BRCA2: variants seen among roughly 807,000 people sequenced by gnomAD.
BRCA2 encodes the protein BRCA2 DNA repair associated.
Under a neutral mutation model 276.7 loss-of-function variants are expected in BRCA2, and 203 were observed. That is an observed-to-expected ratio of 0.73 (90% CI 0.65 to 0.82). BRCA2 has a LOEUF of 0.82. Ranked by LOEUF, BRCA2 falls within the 40% of genes least tolerant of loss-of-function variation. BRCA2 has a pLI of 0.00. For missense variants in BRCA2, 3,920 were observed against 3,915.0 expected (o/e 1.00, Z -0.03); for synonymous variants, 1,289 against 1,338.4 (o/e 0.96, Z 0.81).
chr13:32,376,899 T>A (rs1566251608), intron 21 of BRCA2, 108 bp downstream of exon 21: 3 of 1,464,948 alleles, frequency 2.0e-6, no homozygotes, highest in Non-Finnish European at 2.8e-6. Flanking sequence ...ATGCTGCATT[T>A]CTCAAAAGGG....
Position 32,337,873 on chromosome 13 carries a change from T to C in BRCA2, c.3518T>C (p.Ile1173Thr), listed in dbSNP as rs398122767. The C allele has an allele frequency of 1.2e-6, 2 of 1,614,086 alleles. No homozygotes were observed. Among genetic ancestry groups the C allele is most frequent in the Non-Finnish European group, 1.7e-6 (2 of 1,179,990 alleles). ...CATGTCATAATGAATGCCCCATCGATTGGTCAGGTAGACAGCAGCAAGCAA... is the reference window on the plus strand; with the variant it reads ...CATGTCATAATGAATGCCCCATCGACTGGTCAGGTAGACAGCAGCAAGCAA... ...DLHVIMNAPS[I>T]GQVDSSKQFE... The change falls in exon 11 of 27, where the codon ATT (isoleucine) becomes ACT (threonine). Residue 1173 changes from isoleucine (I) to threonine (T), a missense_variant. Ile to Thr is a moderately conservative substitution (Grantham distance 89). Transcript: ENST00000380152.
chr13:32,320,482 A>G (rs1489750755), intron 3 of BRCA2, among the ~76,000 whole-genome samples: 1 of 152,140 alleles, frequency 6.6e-6, no homozygotes, highest in Non-Finnish European at 1.5e-5. Flanking sequence ...TTTATTAAAC[A>G]TATTGTTACC....
intron 14 of BRCA2, 151 bp downstream of exon 14, chr13:32,355,439 T>A: frequency 1.1e-6 from 1 of 888,492 alleles, no homozygotes; most frequent in Non-Finnish European, 1.7e-6. Flanking sequence ...AGATTAGGTT[T>A]AAATTATTCT....
rs1348324957 is a variant in BRCA2, at chr13:32,399,028, C to T, written c.*258C>T. On this transcript the variant is annotated 3_prime_UTR_variant, in exon 27 of 27. Transcript: ENST00000380152. The stretch of plus-strand genomic sequence containing the variant: ...CAAGAAAAACATCTTTGGCTGAGCT[C>T]GGTGGCTCATGCCTGTAATCCCAAC... 1.2e-5 allele frequency: 5 copies of T among 428,352 alleles called. No individual in the cohort carries two copies. The highest frequency in any genetic ancestry group is 4.3e-5 in the East Asian group (1 of 23,044). 26.5% of individuals were successfully genotyped at this position (428,352 alleles called of 1,614,324 possible). A position where few individuals can be genotyped will look rare whatever the true frequency, so the allele number is the denominator to read the frequency against.
rs55939572 is a variant in BRCA2, at chr13:32,332,434, A to C, written c.956A>C (p.Asn319Thr). The change falls in exon 10 of 27, where the codon AAT becomes ACT. Residue 319 changes from asparagine to threonine, a missense_variant. Asn to Thr is a moderately conservative substitution (Grantham distance 65). Around this residue, in one of 2 missense-constraint regions of BRCA2, gnomAD observed 3,263 missense variants for 3,156.9 expected, o/e 1.03. Coordinates refer to ENST00000380152, the MANE Select transcript of BRCA2 (RefSeq NM_000059.4). ...SLCFSKCRTK[N>T]LQKVRTSKTR... is the part of the protein sequence containing the mutation. ...TGTTTTTCTAAATGTAGAACAAAAA[A>C]TCTACAAAAAGTAAGAACTAGCAAG... 4.7e-5 allele frequency: 74 copies of C among 1,590,104 alleles called. No individual in the cohort carries two copies. The Admixed American group carries it at 5.2e-4, about 11-fold the overall frequency.
intron 14 of BRCA2, 108 bp downstream of exon 14, chr13:32,355,396 C>T: frequency 1.6e-6 from 2 of 1,247,152 alleles, no homozygotes; most frequent in South Asian, 1.4e-5. Flanking sequence ...AATTTTAAAG[C>T]CCTTTTTAAT....
Position 32,337,377 on chromosome 13 carries a change from A to G in BRCA2, c.3022A>G (p.Ser1008Gly), listed in dbSNP as rs1386536852. Residue 1008 changes from serine (S) to glycine (G), a missense_variant, in exon 11 of 27, where the codon AGC (serine) becomes GGC (glycine). By Grantham distance (56) the Ser-to-Gly change is moderately conservative (BLOSUM62 0). Transcript: ENST00000380152. ...GPISNHSFGG[S>G]FRTASNKEIK... ...AATTTCAAATCACAGTTTTGGAGGT[A>G]GCTTCAGAACAGCTTCAAATAAGGA... is the stretch of plus-strand genomic sequence containing the variant. 6.2e-7 allele frequency: 1 copy of G among 1,613,942 alleles called. No homozygotes were observed. Among genetic ancestry groups the G allele is most frequent in the Non-Finnish European group, 8.5e-7 (1 of 1,179,930 alleles).
At chr13:32,326,045 C>T (rs1325263876) in intron 4 of BRCA2, 56 bp from the exon 5 acceptor site, 1 of 1,443,986 alleles carries the variant, frequency 6.9e-7, no homozygotes, top group South Asian at 1.2e-5. Flanking sequence ...ATAAGATAAA[C>T]TAGTTTTTGC....
chr13:32,387,748 T>C (rs1267896244), intron 24 of BRCA2, among the ~76,000 whole-genome samples: 2 of 152,222 alleles, frequency 1.3e-5, no homozygotes, highest in Admixed American at 6.5e-5. Context: ...AGTGAAAGTC[T>C]TGAAGTCTTT....
At chr13:32,346,674 A>G (rs1035296368) in intron 12 of BRCA2, among the ~76,000 whole-genome samples, 153 bp from the exon 13 acceptor site, 26 of 152,218 alleles carry the variant, frequency 1.7e-4, no homozygotes, top group South Asian at 1.2e-3. Flanking sequence ...TTGTGAATCA[A>G]TTTATTTTCA....
chr13:32,341,689 AC>A (rs2072571697), intron 11 of BRCA2, among the ~76,000 whole-genome samples: 1 of 151,776 alleles, frequency 6.6e-6, no homozygotes, highest in Non-Finnish European at 1.5e-5. Flanking sequence ...AAACGGTGAA[AC>A]CCCGTCTCTA....
chr13:32,363,985 G>A (rs1197675703), intron 18 of BRCA2, among the ~76,000 whole-genome samples: 3 of 152,066 alleles, frequency 2.0e-5, no homozygotes, highest in Non-Finnish European at 2.9e-5. Context: ...TGAAATTACC[G>A]ATAATATTGT....
chr13:32,338,843 A>G lies in BRCA2; in HGVS notation c.4488A>G (p.Pro1496=), dbSNP rs1555283808. 2 of 1,613,902 alleles carry G rather than the reference A, an allele frequency of 1.2e-6. No homozygotes were observed. The highest frequency in any genetic ancestry group is 1.7e-6 in the Non-Finnish European group (2 of 1,179,824). The part of the protein sequence containing the change: ...VKHKILKESV[P]VGTGNQLVTF... ...ACAAAATACTGAAAGAAAGTGTCCC[A>G]GTTGGTACTGGAAATCAACTAGTGA... The change falls in exon 11 of 27, where the codon CCA becomes CCG. Residue 1496 remains proline, a synonymous_variant. Coordinates refer to ENST00000380152, the MANE Select transcript of BRCA2 (RefSeq NM_000059.4).
chr13:32,331,182 A>G, intron 9 of BRCA2, 152 bp downstream of exon 9: 1 of 647,812 alleles, frequency 1.5e-6, no homozygotes, highest in Admixed American at 2.6e-5. Context: ...CAGCTTGCCA[A>G]GTAGCTGAGA....
At chr13:32,333,421 A>C (rs1566224667) in intron 10 of BRCA2, 34 bp downstream of exon 10, 4 of 1,586,246 alleles carry the variant, frequency 2.5e-6, no homozygotes, top group East Asian at 4.5e-5. Context: ...TAAATAGTAC[A>C]TATAGTTTTA....
At chr13:32,334,363 T>C (rs1235081000) in intron 10 of BRCA2, among the ~76,000 whole-genome samples, 1 of 152,182 alleles carries the variant, frequency 6.6e-6, no homozygotes, top group East Asian at 1.9e-4. Flanking sequence ...CTACTTACTA[T>C]GTATTTTCTC....
rs56072130 is a variant in BRCA2, at chr13:32,339,102, A to G, written c.4747A>G (p.Ile1583Val). 3.1e-6 allele frequency: 5 copies of G among 1,613,920 alleles called. No individual in the cohort carries two copies. The African/African-American group carries it at 5.3e-5, about 17-fold the overall frequency. ...AGACCTTGAATTAGCATGTGAGACC[A>G]TTGAGATCACAGCTGCCCCAAAGTG... ...CKDLELACETIEITAAPKCKE... is the reference protein window; with the variant it reads ...CKDLELACETVEITAAPKCKE... The change falls in exon 11 of 27, where the codon ATT (isoleucine) becomes GTT (valine). Residue 1583 changes from isoleucine (I) to valine (V), a missense_variant. By Grantham distance (29) the Ile-to-Val change is conservative. This residue lies in a region of BRCA2 where 3,263 missense variants were observed against 3,156.9 expected (regional missense o/e 1.03). Coordinates refer to ENST00000380152, the MANE Select transcript of BRCA2 (RefSeq NM_000059.4).
At chr13:32,380,275 T>A in intron 24 of BRCA2, 130 bp downstream of exon 24, 1 of 833,190 alleles carries the variant, frequency 1.2e-6, no homozygotes, top group Non-Finnish European at 1.8e-6. Context: ...AAAGTAAGCC[T>A]CTTTGAACCT....
chr13:32,326,433 G>T (rs979900660), intron 6 of BRCA2, 66 bp from the exon 7 acceptor site: 1 of 1,467,550 alleles, frequency 6.8e-7, no homozygotes, highest in East Asian at 2.3e-5. Flanking sequence ...AAGAGTGAAT[G>T]AAAAAATAAT....
Sources: allele counts gnomAD v4.1 joint callset (sites outside exome capture counted in the v4.1 genomes callset), GRCh38; gene constraint gnomAD v4.1.1; regional missense constraint gnomAD v4.1.1; transcripts MANE v1.5; gene names NCBI Gene and HGNC (gene_info 2026-07-23, HGNC 2026-07-21).